Variants in TBC1D12 observed in about 807,000 individuals in gnomAD.
TBC1D12 encodes TBC1 domain family member 12.
Under a neutral mutation model 86.7 loss-of-function variants are expected in TBC1D12, and 56 were observed. That is an observed-to-expected ratio of 0.65 (90% CI 0.52 to 0.81). The LOEUF (loss-of-function observed/expected upper bound fraction) is 0.81. Ranked by LOEUF, TBC1D12 falls within the 30% of genes least tolerant of loss-of-function variation. TBC1D12 has a pLI of 0.00. For synonymous variants in TBC1D12, 421 were observed against 411.7 expected, an observed-to-expected ratio of 1.02 and a Z score of -0.27; for missense variants, 1,023 against 1,038.8, an observed-to-expected ratio of 0.98 and a Z score of 0.21.
At chr10:94,532,971 C>A (rs959160590) in intron 12 of TBC1D12, 57 bp from the exon 13 acceptor site, 3 of 968,190 alleles carry the variant, frequency 3.1e-6, no homozygotes, top group Non-Finnish European at 4.7e-6. Context: ...TTATTTAAAT[C>A]TCTTTAATCT....
At chr10:94,433,063 T>C (rs373090235) in intron 1 of TBC1D12, among the ~76,000 whole-genome samples, 1 of 151,854 alleles carries the variant, frequency 6.6e-6, no homozygotes, top group East Asian at 2.0e-4. Context: ...AAACTAGCCA[T>C]GGATGGTGGT....
At chr10:94,413,820 T>C (rs1212952333) in intron 1 of TBC1D12, among the ~76,000 whole-genome samples, 1 of 152,080 alleles carries the variant, frequency 6.6e-6, no homozygotes, top group Non-Finnish European at 1.5e-5. Flanking sequence ...TAACCCCACA[T>C]AGATTAAAAC....
At position 94,533,174 on chromosome 10, in the gene TBC1D12, G is replaced by A. The variant is rs771692125; in HGVS notation, c.*78G>A. On this transcript the variant is annotated 3_prime_UTR_variant, in exon 13 of 13. Coordinates refer to ENST00000225235, the MANE Select transcript of TBC1D12 (RefSeq NM_015188.2). ...GTTTTTTGTTTCCTATGTAAAAGGCGTGGAAGAAAATGTTGGAGATACCTA... is the reference window on the plus strand; with the variant it reads ...GTTTTTTGTTTCCTATGTAAAAGGCATGGAAGAAAATGTTGGAGATACCTA... 39 of 854,994 alleles carry A rather than the reference G, an allele frequency of 4.6e-5. 1 individual carries two copies. The highest frequency in any genetic ancestry group is 5.7e-5 in the Non-Finnish European group (32 of 559,846). The allele number at this position is 854,994 out of a possible 1,614,324, so 53.0% of individuals were successfully genotyped here.
chr10:94,521,005 C>T (rs561019314), intron 9 of TBC1D12, among the ~76,000 whole-genome samples: 7 of 152,064 alleles, frequency 4.6e-5, no homozygotes, highest in Admixed American at 1.3e-4. Context: ...GTCCATTATA[C>T]AAATCTCTTC....
chr10:94,512,658 A>T (rs1445717732), intron 9 of TBC1D12, among the ~76,000 whole-genome samples: 1 of 152,228 alleles, frequency 6.6e-6, no homozygotes, highest in Non-Finnish European at 1.5e-5. Flanking sequence ...TGTTATATTA[A>T]AAGATAAGTG....
chr10:94,531,604 C>G (rs1050692843), intron 12 of TBC1D12, 144 bp downstream of exon 12: 15 of 652,088 alleles, frequency 2.3e-5, no homozygotes, highest in African/African-American at 5.6e-5. Flanking sequence ...GAGTTTAAAT[C>G]AAATTGCCCA....
intron 12 of TBC1D12, among the ~76,000 whole-genome samples, chr10:94,531,911 T>G (rs12257758): frequency 0.015 from 1,109 of 71,614 alleles, 41 homozygotes; most frequent in South Asian, 0.052. Context: ...GTTATGTTAT[T>G]TTATTGTCAC....
In TBC1D12 at chr10:94,418,287, A is replaced by G. The variant is rs142544236; in HGVS notation, c.971+14703A>G. Among the ~76,000 whole-genome samples, 234 of 152,324 alleles carry G rather than the reference A, an allele frequency of 1.5e-3. 1 individual carries two copies. The highest frequency in any genetic ancestry group is 2.7e-3 in the Non-Finnish European group (186 of 68,028). Reference sequence around the variant, plus strand: ...TGCTGGCAAAACAGTCCATGTTTAAAGGAGTAACTACCTAAACATATAGAT... The same window carrying G: ...TGCTGGCAAAACAGTCCATGTTTAAGGGAGTAACTACCTAAACATATAGAT... On this transcript the variant is annotated intron_variant, in intron 1 of 12. Coordinates refer to ENST00000225235, the MANE Select transcript of TBC1D12 (RefSeq NM_015188.2).
intron 8 of TBC1D12, among the ~76,000 whole-genome samples, chr10:94,511,190 T>A (rs959108009): frequency 6.7e-6 from 1 of 148,438 alleles, no homozygotes; most frequent in Non-Finnish European, 1.5e-5. Context: ...CACTGCCTCC[T>A]GAGTTCAAGC....
At chr10:94,526,189 T>C (rs962149093) in intron 11 of TBC1D12, among the ~76,000 whole-genome samples, 1 of 152,148 alleles carries the variant, frequency 6.6e-6, no homozygotes, top group Non-Finnish European at 1.5e-5. Flanking sequence ...CCTAGCACTT[T>C]GGGAGGCTGC....
At chr10:94,523,044 A>AC in intron 11 of TBC1D12, among the ~76,000 whole-genome samples, 1 of 48,266 alleles carries the variant, frequency 2.1e-5, no homozygotes, top group East Asian at 2.0e-3. Context: ...ACTCCAGCTC[A>AC]AAAAAAAAAA....
intron 2 of TBC1D12, among the ~76,000 whole-genome samples, chr10:94,444,795 G>A (rs1407875571): frequency 1.3e-5 from 2 of 148,508 alleles, no homozygotes; most frequent in East Asian, 4.1e-4. Context: ...GCAGTGGCAC[G>A]ATCTCGGCTC....
intron 1 of TBC1D12, among the ~76,000 whole-genome samples, chr10:94,423,315 C>T (rs1449563897): frequency 5.4e-5 from 8 of 149,272 alleles, no homozygotes; most frequent in East Asian, 2.0e-4. Context: ...CAGCTCTACA[C>T]GAATTATCAG....
intron 2 of TBC1D12, among the ~76,000 whole-genome samples, chr10:94,472,705 A>T (rs1334462760): frequency 1.3e-5 from 2 of 152,220 alleles, no homozygotes; most frequent in Non-Finnish European, 2.9e-5. Context: ...ATTGAGCATG[A>T]TTATATATTC....
At chr10:94,482,360 T>A (rs1249153777) in intron 3 of TBC1D12, among the ~76,000 whole-genome samples, 3 of 152,200 alleles carry the variant, frequency 2.0e-5, no homozygotes, top group African/African-American at 4.8e-5. Context: ...TTGTTCTTTT[T>A]TATGGCTACA....
chr10:94,415,149 C>G (rs1262926648), intron 1 of TBC1D12, among the ~76,000 whole-genome samples: 5 of 151,990 alleles, frequency 3.3e-5, no homozygotes. Flanking sequence ...TGGTTCATTA[C>G]CAGGAAGATA....
chr10:94,509,107 GTTTTTTTTTTT>G (rs34029199), intron 7 of TBC1D12: 3 of 111,162 alleles, frequency 2.7e-5, no homozygotes, highest in Non-Finnish European at 5.5e-5. Context: ...GGGAAAAAGT[GTTTTTTTTTTT>G]TTTTTTTTGA....
At chr10:94,459,489 C>G (rs941769875) in intron 2 of TBC1D12, among the ~76,000 whole-genome samples, 1 of 152,156 alleles carries the variant, frequency 6.6e-6, no homozygotes, top group Non-Finnish European at 1.5e-5. Flanking sequence ...CCGCGCTGTG[C>G]GCCCGCATTC....
rs771898942 is a variant in TBC1D12, at chr10:94,510,129, A to ATT, written c.1640_1641dup (p.Lys548LeufsTer29). ...TGATCGAGAGGCCAGTCTGGAATTA[A>ATT]TTAAGTTGGACATATCCCGTACATT... is the stretch of plus-strand genomic sequence containing the variant. On this transcript the variant is annotated frameshift_variant, in exon 8 of 13. Transcript: ENST00000225235. LOFTEE classifies it high-confidence loss of function. The ATT allele has an allele frequency of 6.2e-7, 1 of 1,609,944 alleles. No homozygotes were observed. Among genetic ancestry groups the ATT allele is most frequent in the Non-Finnish European group, 8.5e-7 (1 of 1,179,118 alleles).
Sources: gnomAD v4.1 joint callset for allele counts (sites outside exome capture counted in the v4.1 genomes callset) on GRCh38, gnomAD v4.1.1 for gene constraint, MANE v1.5 for transcripts, NCBI Gene and HGNC (gene_info 2026-07-23, HGNC 2026-07-21) for gene names.